Variants in CANT1 observed in about 807,000 individuals in gnomAD.
CANT1 encodes the protein calcium activated nucleotidase 1.
Under a neutral mutation model 30.0 loss-of-function variants are expected in CANT1, and 26 were observed. That is an observed-to-expected ratio of 0.87 (90% CI 0.64 to 1.20). The LOEUF (loss-of-function observed/expected upper bound fraction) is 1.20. Ranked by LOEUF, CANT1 falls within the 50% of genes most tolerant of loss-of-function variation. The pLI is 0.00. For synonymous variants in CANT1, 246 were observed against 251.8 expected (o/e 0.98, Z 0.22); for missense variants, 518 against 563.0 (o/e 0.92, Z 0.81).
In CANT1 at chr17:78,993,606, G is replaced by A. The variant is rs1158945480; in HGVS notation, c.1150C>T (p.Leu384=). 1.2e-6 allele frequency: 2 copies of A among 1,614,262 alleles called. No homozygotes were observed. The highest frequency in any genetic ancestry group is 8.5e-7 in the Non-Finnish European group (1 of 1,180,056). Residue 384 remains leucine, a synonymous_variant, in exon 5 of 5, where the codon CTG becomes TTG. Transcript: ENST00000392446. This position sits in a 1 kb window ranked among gnomAD's most constrained non-coding sequence, Gnocchi z 4.5. The stretch of plus-strand genomic sequence containing the variant: ...CTTCCGATCTTGGTCTCCGGCAACA[G>A]GAAGCGCCCGTCCAGCGTGAAGGCC... ...IMAFTLDGRF[L]LPETKIGSVK... is the part of the protein sequence containing the mutation.
chr17:78,999,642 A>ATTTTTTTTT (rs35755919), intron 1 of CANT1, among the ~76,000 whole-genome samples: 20 of 97,344 alleles, frequency 2.1e-4, no homozygotes, highest in African/African-American at 7.7e-4. Flanking sequence ...CGCACAGCGA[A>ATTTTTTTTT]TTTTTTTTTT....
rs2070911445 is a variant in CANT1, at chr17:78,993,621, G to A, written c.1135C>T (p.Leu379=). 1 of 1,614,156 alleles carries A rather than the reference G, an allele frequency of 6.2e-7. No homozygotes were observed. Among genetic ancestry groups the A allele is most frequent in the African/African-American group, 1.3e-5 (1 of 74,966 alleles). The change falls in exon 5 of 5, where the codon CTG becomes TTG. Residue 379 remains leucine (L), a synonymous_variant. Coordinates refer to ENST00000392446, the MANE Select transcript of CANT1 (RefSeq NM_001159773.2). The surrounding 1 kb of genome is among the most constrained non-coding windows in gnomAD (Gnocchi z 4.5). Reference sequence around the variant, plus strand: ...TCCGGCAACAGGAAGCGCCCGTCCAGCGTGAAGGCCATGATGTAGGAGGCG... The same window carrying A: ...TCCGGCAACAGGAAGCGCCCGTCCAACGTGAAGGCCATGATGTAGGAGGCG... ...RVASYIMAFT[L]DGRFLLPETK...
rs796895510 is a variant in CANT1 at position 78,992,153 on chromosome 17, G to A, written c.*1397C>T. The A allele has an allele frequency of 1.2e-4, 27 of 232,444 alleles. No homozygotes were observed. Among genetic ancestry groups the A allele is most frequent in the African/African-American group, 5.5e-4 (25 of 45,374 alleles). 14.4% of individuals were successfully genotyped at this position (232,444 alleles called of 1,614,324 possible). Reference sequence around the variant, plus strand: ...CTTCCTCCACTACCTATGACATAGCGGGGGAAAGAGACAACCATGAGAGAG... The same window carrying A: ...CTTCCTCCACTACCTATGACATAGCAGGGGAAAGAGACAACCATGAGAGAG... On this transcript the variant is annotated 3_prime_UTR_variant, in exon 5 of 5. Coordinates refer to ENST00000392446, the MANE Select transcript of CANT1 (RefSeq NM_001159773.2).
chr17:79,008,898 A>G lies in CANT1; in HGVS notation c.-147+766T>C, dbSNP rs1568049197. Among the ~76,000 whole-genome samples the G allele has an allele frequency of 2.0e-5, 3 of 152,174 alleles. No homozygotes were observed. Among genetic ancestry groups the G allele is most frequent in the African/African-American group, 7.2e-5 (3 of 41,440 alleles). On this transcript the variant is annotated intron_variant, in intron 1 of 4. Transcript: ENST00000392446. The surrounding 1 kb of genome is among the most constrained non-coding windows in gnomAD (Gnocchi z 4.4). ...CTGGAGGAAGGCTCCAAATTGGATG[A>G]GGGCAGGGAGAGCAAGGACTGGGAT... is the stretch of plus-strand genomic sequence containing the variant.
chr17:79,003,707 G>C (rs975008893), intron 1 of CANT1, among the ~76,000 whole-genome samples: 2 of 151,974 alleles, frequency 1.3e-5, no homozygotes, highest in African/African-American at 2.4e-5. Context: ...GCAAAGTCAT[G>C]GGTTCTGTGG....
At chr17:79,005,235 A>C (rs1445487616) in intron 1 of CANT1, 2 of 139,316 alleles carry the variant, frequency 1.4e-5, no homozygotes, top group Admixed American at 1.4e-4. Flanking sequence ...GGGAGGGGGG[A>C]GTTAGGGAGG....
chr17:79,002,386 C>T lies in CANT1; in HGVS notation c.-146-4423G>A, dbSNP rs16971940. Among the ~76,000 whole-genome samples the T allele has an allele frequency of 0.012, 1,823 of 152,290 alleles. 36 individuals carry two copies. Among genetic ancestry groups the T allele is most frequent in the African/African-American group, 0.041 (1,699 of 41,544 alleles). Reference sequence around the variant, plus strand: ...TGCTTCTCACTCACTCTACAAGTACCCTCTCGCCTGCTGGGAGGGTTGCAA... The same window carrying T: ...TGCTTCTCACTCACTCTACAAGTACTCTCTCGCCTGCTGGGAGGGTTGCAA... On this transcript the variant is annotated intron_variant, in intron 1 of 4. Coordinates refer to ENST00000392446, the MANE Select transcript of CANT1 (RefSeq NM_001159773.2). This position sits in a 1 kb window ranked among gnomAD's most constrained non-coding sequence, Gnocchi z 4.0.
rs2070975235 is a variant in CANT1, at chr17:78,994,896, G to C, written c.835+122C>G. 13 of 1,043,508 alleles carry C rather than the reference G, an allele frequency of 1.2e-5. No individual in the cohort carries two copies. In the East Asian group the frequency reaches 3.4e-4, roughly 27 times the overall value. 64.6% of individuals were successfully genotyped at this position (1,043,508 alleles called of 1,614,324 possible). A position where few individuals can be genotyped will look rare whatever the true frequency, so the allele number is the denominator to read the frequency against. On this transcript the variant is annotated intron_variant, in intron 4 of 4. Coordinates refer to ENST00000392446, the MANE Select transcript of CANT1 (RefSeq NM_001159773.2). ...GATCGTGCCACTGCACTCTAACCGG[G>C]GTGACAGAGCAAGACTATGTCTAAA...
Position 79,001,077 on chromosome 17 carries a change from G to A in CANT1, c.-146-3114C>T, listed in dbSNP as rs56878993. Among the ~76,000 whole-genome samples the A allele has an allele frequency of 2.5e-3, 376 of 152,258 alleles. 2 individuals are homozygous for A. Among genetic ancestry groups the A allele is most frequent in the African/African-American group, 8.7e-3 (360 of 41,536 alleles). On this transcript the variant is annotated intron_variant, in intron 1 of 4. Coordinates refer to ENST00000392446, the MANE Select transcript of CANT1 (RefSeq NM_001159773.2). The stretch of plus-strand genomic sequence containing the variant: ...ACCTGGATCAAGCACCCCAAAGATC[G>A]AGCTGCTCAGCTGCCACATCTGAGC...
chr17:79,001,913 C>T (rs925893011), intron 1 of CANT1, among the ~76,000 whole-genome samples: 1 of 152,134 alleles, frequency 6.6e-6, no homozygotes, highest in African/African-American at 2.4e-5. Context: ...CCTGTCCTGG[C>T]AGTGCCGGCC....
Position 78,992,449 on chromosome 17 carries a change from A to C in CANT1, c.*1101T>G. On this transcript the variant is annotated 3_prime_UTR_variant, in exon 5 of 5. Transcript: ENST00000392446. ...CCACTCTGCCTTCACCCTGGAGTAC[A>C]CTCCAGCGAAGCCGAGGCCCAGCCA... 1 of 361,630 alleles carries C rather than the reference A, an allele frequency of 2.8e-6. No individual in the cohort carries two copies. The highest frequency in any genetic ancestry group is 2.0e-5 in the African/African-American group (1 of 49,196). 22.4% of individuals were successfully genotyped at this position (361,630 alleles called of 1,614,324 possible).
rs765392338 is a variant in CANT1, at chr17:78,992,685, T to G, written c.*865A>C. ...AAAGGCAACATTTTCTTTATCTTTG[T>G]ATCCATTGGCCAAGAACGCCGACAT... is the stretch of plus-strand genomic sequence containing the variant. On this transcript the variant is annotated 3_prime_UTR_variant, in exon 5 of 5. Transcript: ENST00000392446. 1.7e-6 allele frequency: 1 copy of G among 595,146 alleles called. No homozygotes were observed. Among genetic ancestry groups the G allele is most frequent in the Non-Finnish European group, 3.3e-6 (1 of 307,542 alleles). The allele number at this position is 595,146 out of a possible 1,614,324, so 36.9% of individuals were successfully genotyped here.
chr17:78,993,604 C>G lies in CANT1; in HGVS notation c.1152G>C (p.Leu384=), dbSNP rs145794847. 171 of 1,614,280 alleles carry G rather than the reference C, an allele frequency of 1.1e-4. No homozygotes were observed. In the East Asian group the frequency reaches 3.6e-3, roughly 34 times the overall value. The change falls in exon 5 of 5, where the codon CTG becomes CTC. Residue 384 remains leucine, a synonymous_variant. Coordinates refer to ENST00000392446, the MANE Select transcript of CANT1 (RefSeq NM_001159773.2). This position sits in a 1 kb window ranked among gnomAD's most constrained non-coding sequence, Gnocchi z 4.5. ...CGCTTCCGATCTTGGTCTCCGGCAACAGGAAGCGCCCGTCCAGCGTGAAGG... is the reference window on the plus strand; with the variant it reads ...CGCTTCCGATCTTGGTCTCCGGCAAGAGGAAGCGCCCGTCCAGCGTGAAGG... ...IMAFTLDGRF[L]LPETKIGSVK...
chr17:78,992,227 G>C lies in CANT1; in HGVS notation c.*1323C>G, dbSNP rs1477570991. The C allele has an allele frequency of 8.6e-6, 2 of 233,356 alleles. No individual in the cohort carries two copies. Among genetic ancestry groups the C allele is most frequent in the African/African-American group, 4.4e-5 (2 of 45,284 alleles). 14.5% of individuals were successfully genotyped at this position (233,356 alleles called of 1,614,324 possible). A position where few individuals can be genotyped will look rare whatever the true frequency, so the allele number is the denominator to read the frequency against. ...CGCAGCTGTGCTTGAGTTTCAAAGGGGGAGAGGTTTGTGAGGGACCGGCAC... is the reference window on the plus strand; with the variant it reads ...CGCAGCTGTGCTTGAGTTTCAAAGGCGGAGAGGTTTGTGAGGGACCGGCAC... On this transcript the variant is annotated 3_prime_UTR_variant, in exon 5 of 5. Coordinates refer to ENST00000392446, the MANE Select transcript of CANT1 (RefSeq NM_001159773.2).
In CANT1 at chr17:78,998,205, T is replaced by C. The variant is rs568733409; in HGVS notation, c.-146-242A>G. 1.2e-5 allele frequency: 2 copies of C among 168,250 alleles called. No individual in the cohort carries two copies. Among genetic ancestry groups the C allele is most frequent in the South Asian group, 4.0e-4 (2 of 4,958 alleles). 10.4% of individuals were successfully genotyped at this position (168,250 alleles called of 1,614,324 possible). On this transcript the variant is annotated intron_variant, in intron 1 of 4. Transcript: ENST00000392446. This position sits in a 1 kb window ranked among gnomAD's most constrained non-coding sequence, Gnocchi z 4.5. Reference sequence around the variant, plus strand: ...TTGTTTGTTTCTGTCTCCACCTCTGTATCCTGGCTCCTAGAACAGTGCCTG... The same window carrying C: ...TTGTTTGTTTCTGTCTCCACCTCTGCATCCTGGCTCCTAGAACAGTGCCTG...
Position 78,993,096 on chromosome 17 carries a change from A to G in CANT1, c.*454T>C, listed in dbSNP as rs544120004. On this transcript the variant is annotated 3_prime_UTR_variant, in exon 5 of 5. Coordinates refer to ENST00000392446, the MANE Select transcript of CANT1 (RefSeq NM_001159773.2). This position sits in a 1 kb window ranked among gnomAD's most constrained non-coding sequence, Gnocchi z 4.5. ...TTTCCAAGGATCTGCAGGGGTGGAC[A>G]TGATGCTCCAGGCACAGAGTAGGAA... The G allele has an allele frequency of 7.0e-5, 24 of 342,752 alleles. No individual in the cohort carries two copies. The highest frequency in any genetic ancestry group is 5.4e-4 in the South Asian group (13 of 24,092). 21.2% of individuals were successfully genotyped at this position (342,752 alleles called of 1,614,324 possible). A position where few individuals can be genotyped will look rare whatever the true frequency, so the allele number is the denominator to read the frequency against.
intron 1 of CANT1, among the ~76,000 whole-genome samples, chr17:78,999,324 C>T (rs765852139): frequency 7.9e-5 from 12 of 152,166 alleles, no homozygotes; most frequent in African/African-American, 2.2e-4. Context: ...GGGGCCTTCC[C>T]GGCAGCAGGG....
chr17:79,001,979 A>G (rs1488563164), intron 1 of CANT1, among the ~76,000 whole-genome samples: 1 of 149,358 alleles, frequency 6.7e-6, no homozygotes, highest in East Asian at 2.0e-4. Context: ...CCCCAGCCCC[A>G]CGTGTCCCAC....
rs531065063 is a variant in CANT1 at position 78,997,435 on chromosome 17, C to A, written c.188G>T (p.Arg63Leu). The A allele has an allele frequency of 1.9e-6, 3 of 1,564,372 alleles. No homozygotes were observed. Among genetic ancestry groups the A allele is most frequent in the Non-Finnish European group, 2.6e-6 (3 of 1,147,986 alleles). Residue 63 changes from arginine to leucine, a missense_variant, in exon 3 of 5, where the codon CGC becomes CTC. This residue lies in a region of CANT1 where 249 missense variants were observed against 268.8 expected (regional missense o/e 0.93). Transcript: ENST00000392446. The surrounding 1 kb of genome is among the most constrained non-coding windows in gnomAD (Gnocchi z 7.5). Reference protein sequence around the residue: ...AAILWLLCSHRPAPGRPPTHN... With the variant: ...AAILWLLCSHLPAPGRPPTHN... ...GGTGGGGGGCCTGCCGGGGGCCGGG[C>A]GGTGGGAGCAGAGCAGCCAGAGGAT...
Sources: allele counts gnomAD v4.1 joint callset (sites outside exome capture counted in the v4.1 genomes callset), GRCh38; gene constraint gnomAD v4.1.1; regional missense constraint gnomAD v4.1.1; non-coding constraint Gnocchi (gnomAD v3.1); transcripts MANE v1.5; gene names NCBI Gene and HGNC (gene_info 2026-07-23, HGNC 2026-07-21).